SMOC2: variants seen among roughly 807,000 people sequenced by gnomAD.
SMOC2 encodes SPARC-related modular calcium-binding protein 2.
A neutral mutation model predicts 61.4 loss-of-function variants in SMOC2; 39 were observed. The ratio of observed to expected loss-of-function variants is 0.64; its 90% CI spans 0.49 to 0.83. The LOEUF (loss-of-function observed/expected upper bound fraction) is 0.83, where lower values mean the gene tolerates loss of function less well. Among genes scored for constraint, SMOC2 ranks in the 40% least tolerant of loss-of-function variants. The probability of loss-of-function intolerance (pLI) is 0.00; values close to 1 mark genes in which losing one functional copy is unlikely to be tolerated. For missense variants in SMOC2, 556 were observed against 592.9 expected, an observed-to-expected ratio of 0.94 and a Z score of 0.65; for synonymous variants, 247 against 239.9, an observed-to-expected ratio of 1.03 and a Z score of -0.27.
intron 11 of SMOC2, among the ~76,000 whole-genome samples, chr6:168,653,652 CTA>C (rs1562406904): frequency 0.045 from 3,497 of 76,864 alleles, 146 homozygotes; most frequent in African/African-American, 0.14. Context: ...CACCAACCCT[CTA>C]CCTGAGCTCC....
At chr6:168,477,987 A>G (rs762261744) in intron 1 of SMOC2, among the ~76,000 whole-genome samples, 44 of 152,150 alleles carry the variant, frequency 2.9e-4, no homozygotes, top group Non-Finnish European at 5.4e-4. Flanking sequence ...TTACCCTGCT[A>G]ACTTCCCTTT....
intron 3 of SMOC2, 118 bp downstream of exon 3, chr6:168,526,570 C>A: frequency 2.7e-6 from 2 of 752,868 alleles, no homozygotes; most frequent in Non-Finnish European, 4.5e-6. Flanking sequence ...GGTTTGTTCT[C>A]TGGGGAAATC....
chr6:168,482,741 G>GAATCAATATGTAAAATC (rs1782236775), intron 1 of SMOC2, among the ~76,000 whole-genome samples: 1 of 152,052 alleles, frequency 6.6e-6, no homozygotes, highest in South Asian at 2.1e-4. Context: ...ATGCAAGGAT[G>GAATCAATATGTAAAATC]AATCAATATG....
intron 4 of SMOC2, among the ~76,000 whole-genome samples, chr6:168,528,170 G>C (rs1783499519): frequency 6.6e-6 from 1 of 151,932 alleles, no homozygotes; most frequent in East Asian, 1.9e-4. Flanking sequence ...TTTCAAAATG[G>C]TTTATGTTAT....
chr6:168,631,041 A>ATTACCCTG (rs150949161), intron 9 of SMOC2, among the ~76,000 whole-genome samples: 13,395 of 152,032 alleles, frequency 0.088, 882 homozygotes, highest in Non-Finnish European at 0.14. Context: ...GTGATATTCT[A>ATTACCCTG]TTACCCTGTT....
chr6:168,524,845 C>A (rs774864712), intron 2 of SMOC2, among the ~76,000 whole-genome samples: 1 of 152,246 alleles, frequency 6.6e-6, no homozygotes, highest in Non-Finnish European at 1.5e-5. Context: ...AGCATGTGGC[C>A]GGTGGTTCTG....
rs2115273131 is a variant in SMOC2 at position 168,650,601 on chromosome 6, A to C, written c.908-80A>C. ...CCAAAATACTCATTTCCAAACAGTA[A>C]AACAACATTTCCCTGTATTTTAGAG... On this transcript the variant is annotated intron_variant, in intron 9 of 12. Transcript: ENST00000356284. 3.6e-6 allele frequency: 5 copies of C among 1,380,912 alleles called. No individual in the cohort carries two copies. The East Asian group carries it at 1.2e-4, about 34-fold the overall frequency. 85.5% of individuals were successfully genotyped at this position (1,380,912 alleles called of 1,614,324 possible). A position where few individuals can be genotyped will look rare whatever the true frequency, so the allele number is the denominator to read the frequency against.
chr6:168,634,194 G>A (rs1454500669), intron 9 of SMOC2, among the ~76,000 whole-genome samples: 2 of 152,132 alleles, frequency 1.3e-5, no homozygotes, highest in African/African-American at 4.8e-5. Flanking sequence ...GTCTGGCTAG[G>A]GGATTTCTAG....
chr6:168,608,037 T>C, intron 8 of SMOC2, 120 bp from the exon 9 acceptor site: 1 of 842,026 alleles, frequency 1.2e-6, no homozygotes, highest in South Asian at 1.7e-5. Flanking sequence ...TGTCATAGCA[T>C]CAGAGCCACA....
At chr6:168,612,733 G>A (rs994761099) in intron 9 of SMOC2, among the ~76,000 whole-genome samples, 13 of 152,208 alleles carry the variant, frequency 8.5e-5, no homozygotes, top group East Asian at 7.7e-4. Context: ...ATTCAGGCTC[G>A]TAGGCCCTCG....
intron 2 of SMOC2, among the ~76,000 whole-genome samples, chr6:168,511,320 A>C (rs1783002736): frequency 6.6e-6 from 1 of 152,198 alleles, no homozygotes; most frequent in African/African-American, 2.4e-5. Flanking sequence ...GGCCTCAGGA[A>C]GCTTACAATC....
At chr6:168,485,619 A>C (rs1235311790) in intron 1 of SMOC2, among the ~76,000 whole-genome samples, 7 of 152,216 alleles carry the variant, frequency 4.6e-5, no homozygotes, top group African/African-American at 1.7e-4. Context: ...AGAATAGGGA[A>C]ATCTATAGAG....
chr6:168,580,394 G>A (rs1484256055), intron 7 of SMOC2, among the ~76,000 whole-genome samples: 1 of 152,208 alleles, frequency 6.6e-6, no homozygotes, highest in Non-Finnish European at 1.5e-5. Context: ...GCTGGGAGAG[G>A]CAGGGGTGCC....
At chr6:168,483,920 C>T (rs1782270134) in intron 1 of SMOC2, among the ~76,000 whole-genome samples, 1 of 152,106 alleles carries the variant, frequency 6.6e-6, no homozygotes, top group Admixed American at 6.5e-5. Flanking sequence ...CTTTGCCTAA[C>T]ATCAGATACA....
chr6:168,486,662 A>G (rs1233175620), intron 1 of SMOC2, among the ~76,000 whole-genome samples: 3 of 151,632 alleles, frequency 2.0e-5, no homozygotes, highest in Non-Finnish European at 4.4e-5. Context: ...GCGATTCACC[A>G]ATGGATCAGT....
chr6:168,599,112 ACACACACT>A (rs1295558394), intron 8 of SMOC2, 108 bp downstream of exon 8: 11 of 954,120 alleles, frequency 1.2e-5, no homozygotes, highest in African/African-American at 3.6e-5. Context: ...ACACAGTCAC[ACACACACT>A]CACACTCACA....
chr6:168,573,995 T>G (rs1035787408), intron 7 of SMOC2, among the ~76,000 whole-genome samples: 1 of 152,200 alleles, frequency 6.6e-6, no homozygotes, highest in Non-Finnish European at 1.5e-5. Context: ...GGGGGAGGGA[T>G]GGGTGGACCC....
Position 168,582,650 on chromosome 6 carries a change from C to T in SMOC2, c.638-16168C>T, listed in dbSNP as rs539254264. On this transcript the variant is annotated intron_variant, in intron 7 of 12. Coordinates refer to ENST00000356284, the MANE Select transcript of SMOC2 (RefSeq NM_001166412.2). ...GGAGGCACTGGAAGCTTTCTTTGGA[C>T]GGTCCACCTGGAGGGACAGGTGACT... Among the ~76,000 whole-genome samples the T allele has an allele frequency of 7.2e-5, 11 of 152,298 alleles. No individual in the cohort carries two copies. In the East Asian group the frequency reaches 7.7e-4, roughly 11 times the overall value.
chr6:168,504,866 G>C (rs978097107), intron 1 of SMOC2, among the ~76,000 whole-genome samples: 1 of 152,156 alleles, frequency 6.6e-6, no homozygotes, highest in Non-Finnish European at 1.5e-5. Context: ...TTTAAGCTGG[G>C]TCTGACTTTT....
Sources: gnomAD v4.1 joint callset for allele counts (sites outside exome capture counted in the v4.1 genomes callset) on GRCh38, gnomAD v4.1.1 for gene constraint, MANE v1.5 for transcripts, NCBI Gene and HGNC (gene_info 2026-07-23, HGNC 2026-07-21) for gene names.